RNF220: variants seen among roughly 807,000 people sequenced by gnomAD.
RNF220 encodes E3 ubiquitin-protein ligase RNF220.
Under a neutral mutation model 67.1 loss-of-function variants are expected in RNF220, and 7 were observed. The observed-to-expected ratio is 0.10, with a 90% CI of 0.06 to 0.20. The LOEUF (loss-of-function observed/expected upper bound fraction) is 0.20, where lower values mean the gene tolerates loss of function less well. RNF220 is among the 10% of genes least tolerant of loss of function. The pLI is 1.00. For missense variants in RNF220, 565 were observed against 740.3 expected, an observed-to-expected ratio of 0.76 and a Z score of 2.75; for synonymous variants, 270 against 283.2, an observed-to-expected ratio of 0.95 and a Z score of 0.47.
At chr1:44,609,921 C>T (rs963679796) in intron 2 of RNF220, among the ~76,000 whole-genome samples, 18 of 152,202 alleles carry the variant, frequency 1.2e-4, no homozygotes, top group Non-Finnish European at 2.4e-4. Context: ...CCCTGACTCC[C>T]GGTCCCTGCC....
intron 2 of RNF220, among the ~76,000 whole-genome samples, chr1:44,548,964 C>G (rs921148707): frequency 3.9e-5 from 6 of 152,272 alleles, no homozygotes; most frequent in Non-Finnish European, 8.8e-5. Context: ...CTTTGGGAGG[C>G]CAAGGCGGGC....
rs1643847034 is a variant in RNF220, at chr1:44,622,648, G to A, written c.759-94G>A. 3 of 1,145,728 alleles carry A rather than the reference G, an allele frequency of 2.6e-6. No individual in the cohort carries two copies. Among genetic ancestry groups the A allele is most frequent in the South Asian group, 1.3e-5 (1 of 79,352 alleles). The allele number at this position is 1,145,728 out of a possible 1,614,324, so 71.0% of individuals were successfully genotyped here. A position where few individuals can be genotyped will look rare whatever the true frequency, so the allele number is the denominator to read the frequency against. On this transcript the variant is annotated intron_variant, in intron 3 of 14. Transcript: ENST00000361799. This position sits in a 1 kb window ranked among gnomAD's most constrained non-coding sequence, Gnocchi z 4.3. ...AGCTGGGCTGGGCTAGGCGGTCTAT[G>A]CCTTCTCTGTCTTTGGGGTCTTCTT...
chr1:44,536,241 G>A (rs1333032018), intron 2 of RNF220, among the ~76,000 whole-genome samples: 1 of 152,176 alleles, frequency 6.6e-6, no homozygotes, highest in Non-Finnish European at 1.5e-5. Flanking sequence ...TGAGAGCCCA[G>A]AGGCAGAAAC....
chr1:44,436,163 G>T (rs76752324), intron 2 of RNF220, among the ~76,000 whole-genome samples: 1 of 151,858 alleles, frequency 6.6e-6, no homozygotes, highest in South Asian at 2.1e-4. Context: ...CTCTTGTCTT[G>T]TATCTAGTTA....
chr1:44,482,945 T>G (rs1655963318), intron 2 of RNF220, among the ~76,000 whole-genome samples: 1 of 125,794 alleles, frequency 7.9e-6, no homozygotes, highest in African/African-American at 2.9e-5. Context: ...TTTTTTTTTT[T>G]GTCCAGATGG....
intron 2 of RNF220, among the ~76,000 whole-genome samples, chr1:44,457,260 TATC>T (rs903755702): frequency 1.3e-5 from 2 of 152,196 alleles, no homozygotes; most frequent in African/African-American, 2.4e-5. Context: ...AAGAATAGCT[TATC>T]ATAACATTTC....
intron 2 of RNF220, among the ~76,000 whole-genome samples, chr1:44,582,564 CTGGCCAATA>C (rs1196290251): frequency 6.6e-6 from 1 of 152,110 alleles, no homozygotes; most frequent in Middle Eastern, 3.2e-3. Context: ...TGAGACCAGC[CTGGCCAATA>C]TGGTGAAACC....
At chr1:44,504,110 A>T (rs574773682) in intron 2 of RNF220, among the ~76,000 whole-genome samples, 3 of 151,894 alleles carry the variant, frequency 2.0e-5, no homozygotes, top group Non-Finnish European at 4.4e-5. Context: ...AGCCTCCCAA[A>T]GTACTGGGAT....
At chr1:44,507,653 A>G (rs1441263825) in intron 2 of RNF220, among the ~76,000 whole-genome samples, 1 of 151,882 alleles carries the variant, frequency 6.6e-6, no homozygotes, top group Non-Finnish European at 1.5e-5. Context: ...TTGATACCAC[A>G]CTTACTTCCA....
chr1:44,456,840 T>G (rs1653235718), intron 2 of RNF220, among the ~76,000 whole-genome samples: 1 of 152,148 alleles, frequency 6.6e-6, no homozygotes, highest in Non-Finnish European at 1.5e-5. Flanking sequence ...CATACCCCTC[T>G]GTCTCTTCCA....
At chr1:44,499,851 A>T (rs1176174043) in intron 2 of RNF220, among the ~76,000 whole-genome samples, 1 of 145,930 alleles carries the variant, frequency 6.9e-6, no homozygotes, top group Non-Finnish European at 1.5e-5. Context: ...TATGTCCTTT[A>T]TCTCTACCCT....
chr1:44,408,645 G>A (rs945070212), intron 1 of RNF220: 1 of 152,000 alleles, frequency 6.6e-6, no homozygotes, highest in Non-Finnish European at 1.5e-5. Flanking sequence ...CGTTTAATTT[G>A]TTCTATTATT....
intron 2 of RNF220, among the ~76,000 whole-genome samples, chr1:44,584,608 G>T (rs554526963): frequency 3.9e-5 from 6 of 152,210 alleles, no homozygotes; most frequent in Non-Finnish European, 7.3e-5. Context: ...GTACTGGAAC[G>T]TGGGGCTCAG....
At chr1:44,506,747 G>C (rs544885600) in intron 2 of RNF220, among the ~76,000 whole-genome samples, 1 of 152,330 alleles carries the variant, frequency 6.6e-6, no homozygotes, top group East Asian at 1.9e-4. Context: ...TCTTGTCTGA[G>C]CTTCCCCACT....
chr1:44,610,692 G>C (rs912620350), intron 2 of RNF220, among the ~76,000 whole-genome samples: 2 of 152,308 alleles, frequency 1.3e-5, no homozygotes, highest in South Asian at 2.1e-4. Context: ...TGGTGCTGCC[G>C]GCAGTATTGG....
chr1:44,469,326 G>A (rs185620326), intron 2 of RNF220, among the ~76,000 whole-genome samples: 5 of 152,144 alleles, frequency 3.3e-5, no homozygotes, highest in South Asian at 2.1e-4. Context: ...CTTCCAATCC[G>A]TAGGGTCTTT....
intron 1 of RNF220, chr1:44,408,856 G>T (rs1647671368): frequency 6.6e-6 from 1 of 152,236 alleles, no homozygotes. Flanking sequence ...CAGCTACGGC[G>T]GAGGCAGAGG....
intron 2 of RNF220, among the ~76,000 whole-genome samples, chr1:44,413,818 G>A (rs1363057808): frequency 6.6e-6 from 1 of 150,938 alleles, no homozygotes; most frequent in East Asian, 1.9e-4. Context: ...TCTTTATGAT[G>A]CCGAGGAGAG....
Position 44,412,538 on chromosome 1 carries a change from C to A in RNF220, c.441C>A (p.Asp147Glu). 6.2e-7 allele frequency: 1 copy of A among 1,614,182 alleles called. No individual in the cohort carries two copies. Among genetic ancestry groups the A allele is most frequent in the Non-Finnish European group, 8.5e-7 (1 of 1,180,030 alleles). ...CCAAGCGACTTAAGAACTGCCATGA[C>A]ACAGAGTCTCCCCACTTGCGCTTCT... ...TPAKRLKNCH[D>E]TESPHLRFSD... is the part of the protein sequence containing the mutation. The change falls in exon 2 of 15, where the codon GAC becomes GAA. Residue 147 changes from aspartate to glutamate, a missense_variant. Asp to Glu is a conservative substitution (Grantham distance 45, BLOSUM62 2). Transcript: ENST00000361799. This position sits in a 1 kb window ranked among gnomAD's most constrained non-coding sequence, Gnocchi z 5.3.
Sources: gnomAD v4.1 joint callset for allele counts (sites outside exome capture counted in the v4.1 genomes callset) on GRCh38, gnomAD v4.1.1 for gene constraint, Gnocchi (gnomAD v3.1) non-coding constraint, MANE v1.5 for transcripts, NCBI Gene and HGNC (gene_info 2026-07-23, HGNC 2026-07-21) for gene names.